GLB1: variants seen among roughly 807,000 people sequenced by gnomAD.
The protein encoded by GLB1 is beta-galactosidase.
GLB1 carries 56 observed loss-of-function variants against 74.0 expected under a neutral mutation model. That is an observed-to-expected ratio of 0.76 (90% CI 0.61 to 0.94). The LOEUF (loss-of-function observed/expected upper bound fraction) is 0.94, where lower values mean the gene tolerates loss of function less well. Among genes scored for constraint, GLB1 ranks in the 40% least tolerant of loss-of-function variants. GLB1 has a pLI of 0.00. For synonymous variants in GLB1, 323 were observed against 323.6 expected (o/e 1.00, Z 0.02); for missense variants, 787 against 845.5 (o/e 0.93, Z 0.86).
At chr3:33,059,252 C>T (rs879610538) in intron 5 of GLB1, among the ~76,000 whole-genome samples, 2,067 of 55,970 alleles carry the variant, frequency 0.037, 105 homozygotes, top group East Asian at 0.29. Context: ...CATACACACA[C>T]ACACACACAC....
rs1235229860 is a variant in GLB1 at position 33,090,196 on chromosome 3, G to GA, written c.75+6814dup. Among the ~76,000 whole-genome samples, 6 of 152,122 alleles carry GA rather than the reference G, an allele frequency of 3.9e-5. No individual in the cohort carries two copies. The East Asian group carries it at 1.2e-3, about 29-fold the overall frequency. ...TAATGACACTATAGCTATGCTTTTT[G>GA]AAAAAGGATTCATACTGAAGTAATT... On this transcript the variant is annotated intron_variant, in intron 1 of 15. Transcript: ENST00000307363.
At chr3:33,074,826 C>T (rs929375848) in intron 1 of GLB1, among the ~76,000 whole-genome samples, 1 of 152,108 alleles carries the variant, frequency 6.6e-6, no homozygotes, top group Non-Finnish European at 1.5e-5. Context: ...TGGGGGTTGC[C>T]CTTGAAGCTG....
At chr3:33,014,403 G>A (rs1054351579) in intron 14 of GLB1, 93 bp from the exon 15 acceptor site, 98 of 1,551,600 alleles carry the variant, frequency 6.3e-5, no homozygotes, top group East Asian at 1.7e-4. Flanking sequence ...AAAGCAAACC[G>A]GGATACAAAA....
At chr3:33,019,415 G>A (rs1228557371) in intron 12 of GLB1, among the ~76,000 whole-genome samples, 1 of 152,186 alleles carries the variant, frequency 6.6e-6, no homozygotes, top group Non-Finnish European at 1.5e-5. Flanking sequence ...TAGCAGGGCT[G>A]AGCTGGGACA....
the GLB1 span, among the ~76,000 whole-genome samples, chr3:32,990,279 C>A: frequency 6.6e-6 from 1 of 152,178 alleles, no homozygotes; most frequent in African/African-American, 2.4e-5. Context: ...CTCCAGGAAG[C>A]CTGCCCTGAC....
intron 15 of GLB1, among the ~76,000 whole-genome samples, chr3:33,000,839 C>T (rs1250861381): frequency 6.6e-6 from 1 of 152,136 alleles, no homozygotes; most frequent in Non-Finnish European, 1.5e-5. Context: ...ATTATTAGAC[C>T]ATCAGTCTTC....
At chr3:32,989,558 C>T in the GLB1 span, among the ~76,000 whole-genome samples, 41 of 152,274 alleles carry the variant, frequency 2.7e-4, no homozygotes, top group East Asian at 6.4e-3. Flanking sequence ...CCACATATAC[C>T]GGGCATTCTG....
At chr3:33,083,613 C>T (rs1396969150) in intron 1 of GLB1, among the ~76,000 whole-genome samples, 1 of 152,042 alleles carries the variant, frequency 6.6e-6, no homozygotes, top group Non-Finnish European at 1.5e-5. Flanking sequence ...GTGGTAGCAT[C>T]AGTATTTAGT....
At chr3:33,084,529 C>T (rs771258270) in intron 1 of GLB1, among the ~76,000 whole-genome samples, 25 of 152,084 alleles carry the variant, frequency 1.6e-4, no homozygotes, top group Admixed American at 3.9e-4. Context: ...TATGTTTTCA[C>T]GCCTGCCTTG....
intron 6 of GLB1, among the ~76,000 whole-genome samples, chr3:33,056,995 CTG>C (rs1328742544): frequency 6.6e-6 from 1 of 152,190 alleles, no homozygotes; most frequent in Non-Finnish European, 1.5e-5. Context: ...TGTGTTAGAT[CTG>C]TGTCCCCACC....
intron 15 of GLB1, among the ~76,000 whole-genome samples, chr3:32,998,591 CAAAG>C (rs1011790379): frequency 1.0e-4 from 15 of 149,384 alleles, no homozygotes; most frequent in African/African-American, 3.5e-4. Context: ...CATTCTATTA[CAAAG>C]AAAGAAAGTG....
At chr3:32,965,456 T>C in the GLB1 span, among the ~76,000 whole-genome samples, 1 of 152,076 alleles carries the variant, frequency 6.6e-6, no homozygotes, top group Non-Finnish European at 1.5e-5. Flanking sequence ...CTATGGAACA[T>C]TGAACTTGAG....
At chr3:32,983,867 T>G in the GLB1 span, among the ~76,000 whole-genome samples, 2 of 151,050 alleles carry the variant, frequency 1.3e-5, no homozygotes, top group Non-Finnish European at 3.0e-5. Flanking sequence ...TTTTTTTTTG[T>G]AGAGACAGGG....
intron 14 of GLB1, among the ~76,000 whole-genome samples, chr3:33,015,886 G>A (rs1350030630): frequency 6.6e-6 from 1 of 152,190 alleles, no homozygotes; most frequent in African/African-American, 2.4e-5. Context: ...CTCCTCTCGC[G>A]GAGGTTGAGC....
At chr3:33,050,381 A>T (rs1698925032) in intron 9 of GLB1, among the ~76,000 whole-genome samples, 1 of 152,264 alleles carries the variant, frequency 6.6e-6, no homozygotes, top group Admixed American at 6.5e-5. Flanking sequence ...AAATGTGCAA[A>T]TAACCCAAAT....
chr3:33,072,551 T>A lies in GLB1; in HGVS notation c.238A>T (p.Ile80Phe), dbSNP rs775764027. Residue 80 changes from isoleucine (I) to phenylalanine (F), a missense_variant, in exon 2 of 16, where the codon ATC becomes TTC. Physicochemically the swap from Ile to Phe is conservative, Grantham distance 21. Coordinates refer to ENST00000307363, the MANE Select transcript of GLB1 (RefSeq NM_000404.4). Reference sequence around the variant, plus strand: ...ACATGCCCTCCTACTTACGTCTGGATGGCGTTCAGCCCAGCCATCTTCATC... The same window carrying A: ...ACATGCCCTCCTACTTACGTCTGGAAGGCGTTCAGCCCAGCCATCTTCATC... ...LKMKMAGLNAIQTYVPWNFHE... is the reference protein window; with the variant it reads ...LKMKMAGLNAFQTYVPWNFHE... 2 of 1,613,330 alleles carry A rather than the reference T, an allele frequency of 1.2e-6. No individual in the cohort carries two copies. The highest frequency in any genetic ancestry group is 1.1e-5 in the South Asian group (1 of 91,034).
intron 5 of GLB1, among the ~76,000 whole-genome samples, chr3:33,059,986 A>G (rs2125535793): frequency 6.6e-6 from 1 of 152,296 alleles, no homozygotes; most frequent in African/African-American, 2.4e-5. Context: ...GGACAGCCCG[A>G]GGTAGCTCTA....
chr3:33,075,291 G>A (rs757874329), intron 1 of GLB1, among the ~76,000 whole-genome samples: 2 of 152,150 alleles, frequency 1.3e-5, no homozygotes, highest in African/African-American at 2.4e-5. Context: ...GGCAGAATTC[G>A]GAAAAGGGTA....
chr3:32,996,160 A>G (rs545930767), downstream of GLB1, among the ~76,000 whole-genome samples: 1 of 152,344 alleles, frequency 6.6e-6, no homozygotes, highest in South Asian at 2.1e-4. Flanking sequence ...ACATAAACTC[A>G]GAACTGTGCA....
Sources: allele counts gnomAD v4.1 joint callset (sites outside exome capture counted in the v4.1 genomes callset), GRCh38; gene constraint gnomAD v4.1.1; transcripts MANE v1.5; gene names NCBI Gene and HGNC (gene_info 2026-07-23, HGNC 2026-07-21).